Variants in CRTAM observed in about 807,000 individuals in gnomAD.
CRTAM encodes cytotoxic and regulatory T cell molecule, also known as cytotoxic and regulatory T-cell molecule.
A neutral mutation model predicts 50.0 loss-of-function variants in CRTAM; 44 were observed. The observed-to-expected ratio is 0.88, with a 90% CI of 0.69 to 1.13. The LOEUF is 1.13. CRTAM is among the 50% of genes most tolerant of loss of function. CRTAM has a pLI of 0.00. For synonymous variants in CRTAM, 159 were observed against 169.3 expected, an observed-to-expected ratio of 0.94 and a Z score of 0.47; for missense variants, 448 against 457.5, an observed-to-expected ratio of 0.98 and a Z score of 0.19.
At chr11:122,867,600 A>C in intron 8 of CRTAM, 45 bp downstream of exon 8, 1 of 1,575,192 alleles carries the variant, frequency 6.3e-7, no homozygotes, top group Non-Finnish European at 8.6e-7. Context: ...ACGCCAGAAC[A>C]AATGGCTAAA....
chr11:122,840,263 T>C (rs566882947), intron 1 of CRTAM, among the ~76,000 whole-genome samples: 2 of 152,350 alleles, frequency 1.3e-5, no homozygotes, highest in South Asian at 4.1e-4. Context: ...CACTTAATCA[T>C]AGCGGAAGTA....
chr11:122,861,335 C>A (rs1303580131), intron 5 of CRTAM, among the ~76,000 whole-genome samples: 4 of 137,714 alleles, frequency 2.9e-5, no homozygotes, highest in African/African-American at 8.0e-5. Flanking sequence ...CATGAACCAC[C>A]TGTGACGTGT....
At chr11:122,854,265 G>A (rs977016861) in intron 4 of CRTAM, among the ~76,000 whole-genome samples, 179 bp downstream of exon 4, 1 of 152,102 alleles carries the variant, frequency 6.6e-6, no homozygotes, top group Non-Finnish European at 1.5e-5. Context: ...AATCTTGAAA[G>A]GCTAATCATA....
At chr11:122,849,625 G>A (rs889971268) in intron 1 of CRTAM, among the ~76,000 whole-genome samples, 2 of 152,122 alleles carry the variant, frequency 1.3e-5, no homozygotes, top group African/African-American at 4.8e-5. Context: ...GGGAGGCTGA[G>A]GCATGAGAAT....
chr11:122,844,215 TA>T (rs1861833617), intron 1 of CRTAM, among the ~76,000 whole-genome samples: 1 of 152,212 alleles, frequency 6.6e-6, no homozygotes, highest in African/African-American at 2.4e-5. Flanking sequence ...TCACAATTTT[TA>T]AAATGTTGTA....
At chr11:122,862,441 A>G in intron 5 of CRTAM, 23 bp from the exon 6 acceptor site, 2 of 1,514,848 alleles carry the variant, frequency 1.3e-6, no homozygotes, top group Non-Finnish European at 1.8e-6. Context: ...TAGTAGCAGA[A>G]TTTTGTTTTT....
intron 3 of CRTAM, among the ~76,000 whole-genome samples, chr11:122,853,301 A>C (rs1228367919): frequency 6.6e-6 from 1 of 151,678 alleles, no homozygotes; most frequent in Non-Finnish European, 1.5e-5. Flanking sequence ...CGATCTCCTG[A>C]TCTCGTGATT....
In CRTAM at chr11:122,868,012, G is replaced by A. The variant is rs1421348489; in HGVS notation, c.965-1G>A. On this transcript the variant is annotated splice_acceptor_variant, in intron 8 of 9. Transcript: ENST00000227348. LOFTEE classifies it high-confidence loss of function. ...AGTTGCTTGATTTTCTTTTTTTGTA[G>A]AAAACGAAGTTTCAGAACACACACT... 6.3e-7 allele frequency: 1 copy of A among 1,595,274 alleles called. No homozygotes were observed. The highest frequency in any genetic ancestry group is 8.6e-7 in the Non-Finnish European group (1 of 1,167,388).
chr11:122,841,752 T>C (rs2135227428), intron 1 of CRTAM, among the ~76,000 whole-genome samples: 1 of 152,300 alleles, frequency 6.6e-6, no homozygotes, highest in East Asian at 1.9e-4. Context: ...TTTTACATTA[T>C]GCTAAAATGA....
At chr11:122,870,227 C>T (rs1041223647) in intron 9 of CRTAM, among the ~76,000 whole-genome samples, 31 of 152,010 alleles carry the variant, frequency 2.0e-4, no homozygotes, top group African/African-American at 6.3e-4. Flanking sequence ...ACTACAGGCA[C>T]GCACCACCAC....
intron 1 of CRTAM, among the ~76,000 whole-genome samples, chr11:122,847,726 T>C (rs1861882339): frequency 6.6e-6 from 1 of 152,200 alleles, no homozygotes; most frequent in Non-Finnish European, 1.5e-5. Context: ...GGGCATATTT[T>C]TGGAGGAACA....
At chr11:122,851,999 G>A (rs933119796) in intron 3 of CRTAM, among the ~76,000 whole-genome samples, 154 bp downstream of exon 3, 2 of 152,178 alleles carry the variant, frequency 1.3e-5, no homozygotes, top group Non-Finnish European at 2.9e-5. Context: ...AAACAGAAGA[G>A]AGCATTTTGA....
chr11:122,840,961 A>G (rs528445432), intron 1 of CRTAM, among the ~76,000 whole-genome samples: 14 of 152,332 alleles, frequency 9.2e-5, no homozygotes, highest in East Asian at 3.9e-4. Context: ...GTCAAATCCA[A>G]TGAATTTTGA....
At chr11:122,846,737 A>G (rs538830347) in intron 1 of CRTAM, among the ~76,000 whole-genome samples, 3 of 152,166 alleles carry the variant, frequency 2.0e-5, no homozygotes, top group Non-Finnish European at 4.4e-5. Flanking sequence ...CCAAAATGAA[A>G]AGAACTCATT....
intron 5 of CRTAM, 189 bp from the exon 6 acceptor site, chr11:122,862,275 A>G: frequency 1.7e-6 from 1 of 584,994 alleles, no homozygotes. Flanking sequence ...GCAGGTGAGC[A>G]GATGGACACT....
intron 9 of CRTAM, among the ~76,000 whole-genome samples, chr11:122,868,887 T>C (rs1387019749): frequency 6.6e-6 from 1 of 152,064 alleles, no homozygotes; most frequent in African/African-American, 2.4e-5. Context: ...CAGGAGCCTG[T>C]AGTCCCAGCT....
chr11:122,859,409 C>T (rs1163065159), intron 5 of CRTAM, among the ~76,000 whole-genome samples: 1 of 141,192 alleles, frequency 7.1e-6, no homozygotes, highest in Non-Finnish European at 1.5e-5. Context: ...CCGCATCCGG[C>T]CCAGAAATGA....
intron 1 of CRTAM, among the ~76,000 whole-genome samples, chr11:122,847,021 T>A (rs1417747552): frequency 6.6e-6 from 1 of 152,214 alleles, no homozygotes; most frequent in African/African-American, 2.4e-5. Flanking sequence ...GCTTTTCAAA[T>A]AATTATTAAG....
chr11:122,845,413 T>C (rs1861851079), intron 1 of CRTAM, among the ~76,000 whole-genome samples: 1 of 151,968 alleles, frequency 6.6e-6, no homozygotes, highest in Non-Finnish European at 1.5e-5. Flanking sequence ...AATGTGTCAG[T>C]GAAAGAGAGG....
Sources: allele counts gnomAD v4.1 joint callset (sites outside exome capture counted in the v4.1 genomes callset), GRCh38; gene constraint gnomAD v4.1.1; transcripts MANE v1.5; gene names NCBI Gene and HGNC (gene_info 2026-07-23, HGNC 2026-07-21).